PIEZO2: variants seen among roughly 807,000 people sequenced by gnomAD.
PIEZO2 encodes piezo type mechanosensitive ion channel component 2.
A neutral mutation model predicts 337.3 loss-of-function variants in PIEZO2; 172 were observed. The observed-to-expected ratio is 0.51, with a 90% CI of 0.45 to 0.58. PIEZO2 has a LOEUF of 0.58. Among genes scored for constraint, PIEZO2 ranks in the 20% least tolerant of loss-of-function variants. PIEZO2 has a pLI of 0.00. For missense variants in PIEZO2, 3,028 were observed against 3,391.3 expected (o/e 0.89, Z 2.66); for synonymous variants, 1,251 against 1,228.5 (o/e 1.02, Z -0.38).
intron 14 of PIEZO2, 99 bp downstream of exon 14, chr18:10,791,102 G>T: frequency 1.6e-6 from 2 of 1,264,598 alleles, no homozygotes; most frequent in South Asian, 3.2e-5. Context: ...TTACATTCCA[G>T]TTTCATTTAT....
chr18:11,124,957 G>A (rs984595422), intron 1 of PIEZO2, among the ~76,000 whole-genome samples: 4 of 152,106 alleles, frequency 2.6e-5, no homozygotes, highest in African/African-American at 7.2e-5. Flanking sequence ...GTACCTGAAT[G>A]TATACTAGAC....
At chr18:10,906,078 C>G (rs2029896382) in intron 4 of PIEZO2, among the ~76,000 whole-genome samples, 1 of 152,138 alleles carries the variant, frequency 6.6e-6, no homozygotes. Flanking sequence ...CTATGGAAGG[C>G]TGCGGTCACC....
intron 53 of PIEZO2, 61 bp from the exon 54 acceptor site, chr18:10,675,349 A>C: frequency 1.8e-6 from 2 of 1,113,426 alleles, no homozygotes; most frequent in Non-Finnish European, 1.3e-6. Context: ...CCTAAAATTG[A>C]TTTTTTGTTG....
chr18:10,886,090 AAC>A (rs373741484), intron 4 of PIEZO2, among the ~76,000 whole-genome samples: 3 of 150,644 alleles, frequency 2.0e-5, no homozygotes, highest in Non-Finnish European at 3.0e-5. Context: ...CAAAATCACT[AAC>A]ACACACACAC....
intron 2 of PIEZO2, among the ~76,000 whole-genome samples, chr18:11,008,741 C>T (rs990325993): frequency 1.3e-5 from 2 of 152,120 alleles, no homozygotes; most frequent in African/African-American, 4.8e-5. Context: ...ATGTCAGGTG[C>T]TATGGTGACA....
chr18:10,844,487 TA>T lies in PIEZO2; in HGVS notation c.917+10865del, dbSNP rs1160092366. On this transcript the variant is annotated intron_variant, in intron 7 of 55. Coordinates refer to ENST00000674853, the MANE Select transcript of PIEZO2 (RefSeq NM_001378183.1). Reference sequence around the variant, plus strand: ...TTCTGCATTGTTTAAAATATGAACATAAAAATAACAGTACCTACTGGCCGGG... The same window carrying T: ...TTCTGCATTGTTTAAAATATGAACATAAAATAACAGTACCTACTGGCCGGG... Among the ~76,000 whole-genome samples, 7 of 149,536 alleles carry T rather than the reference TA, an allele frequency of 4.7e-5. No individual in the cohort carries two copies. The East Asian group carries it at 1.4e-3, about 29-fold the overall frequency.
At chr18:11,095,129 A>G (rs1377995299) in intron 1 of PIEZO2, among the ~76,000 whole-genome samples, 1 of 152,244 alleles carries the variant, frequency 6.6e-6, no homozygotes, top group Non-Finnish European at 1.5e-5. Context: ...CAAGTTTGCT[A>G]CATGGAATGA....
intron 2 of PIEZO2, among the ~76,000 whole-genome samples, chr18:11,000,354 C>T (rs1483972137): frequency 2.0e-5 from 3 of 152,118 alleles, no homozygotes; most frequent in Non-Finnish European, 4.4e-5. Flanking sequence ...TTCCTTTTCC[C>T]TCCCATTTGG....
intron 3 of PIEZO2, among the ~76,000 whole-genome samples, chr18:10,949,527 G>T (rs759046943): frequency 6.6e-6 from 1 of 152,212 alleles, no homozygotes; most frequent in Non-Finnish European, 1.5e-5. Flanking sequence ...TGAGGTCAGG[G>T]TAAAAGTCAG....
rs2033780049 is a variant in PIEZO2 at position 10,671,628 on chromosome 18, T to C, written c.8497A>G (p.Thr2833Ala). Reference sequence around the variant, plus strand: ...TCTTCTTCTAGCTCCAGTTCTCCTGTCTCTCGAACTAAAAAAATATCTGTG... The same window carrying C: ...TCTTCTTCTAGCTCCAGTTCTCCTGCCTCTCGAACTAAAAAAATATCTGTG... ...LCTDIFLVRETGELELEEDLY... is the reference protein window; with the variant it reads ...LCTDIFLVREAGELELEEDLY... Residue 2833 changes from threonine to alanine, a missense_variant, in exon 56 of 56, where the codon ACA (threonine) becomes GCA (alanine). By Grantham distance (58) the Thr-to-Ala change is moderately conservative. Transcript: ENST00000674853. 6.2e-7 allele frequency: 1 copy of C among 1,614,054 alleles called. No homozygotes were observed. The highest frequency in any genetic ancestry group is 8.5e-7 in the Non-Finnish European group (1 of 1,179,992).
intron 5 of PIEZO2, among the ~76,000 whole-genome samples, chr18:10,868,341 A>G (rs564546514): frequency 1.2e-4 from 18 of 152,218 alleles, no homozygotes; most frequent in Non-Finnish European, 2.4e-4. Context: ...TGTGGTGTCA[A>G]AAATAAAATA....
chr18:11,084,970 C>T (rs73945727), intron 1 of PIEZO2, among the ~76,000 whole-genome samples: 20 of 152,236 alleles, frequency 1.3e-4, no homozygotes, highest in Non-Finnish European at 2.6e-4. Flanking sequence ...ATCTGCTTCA[C>T]CTCCTTCACC....
intron 1 of PIEZO2, among the ~76,000 whole-genome samples, chr18:11,090,871 G>A (rs918180223): frequency 1.3e-5 from 2 of 148,406 alleles, no homozygotes; most frequent in Non-Finnish European, 3.0e-5. Flanking sequence ...CCGAGATCGC[G>A]CCACTGCACT....
intron 10 of PIEZO2, 29 bp from the exon 11 acceptor site, chr18:10,800,504 T>G (rs1461865534): frequency 1.3e-6 from 2 of 1,509,380 alleles, no homozygotes; most frequent in Middle Eastern, 1.8e-4. Context: ...AAGGGACAAC[T>G]GTTACAGCAG....
In PIEZO2 at chr18:10,857,036, C is replaced by T. The variant is rs186999439; in HGVS notation, c.668G>A (p.Gly223Glu). 244 of 1,537,294 alleles carry T rather than the reference C, an allele frequency of 1.6e-4. 1 individual carries two copies. The East Asian group carries it at 4.3e-3, about 27-fold the overall frequency. The change falls in exon 6 of 56, where the codon GGG becomes GAG. Residue 223 changes from glycine (G) to glutamate (E), a missense_variant. Gly to Glu is a moderately conservative substitution (Grantham distance 98). Around this residue, in one of 5 missense-constraint regions of PIEZO2, gnomAD observed 542 missense variants for 605.6 expected, o/e 0.89. Coordinates refer to ENST00000674853, the MANE Select transcript of PIEZO2 (RefSeq NM_001378183.1). ...EFIGNMITTA[G>E]KVVVTILLGS... ...CAGTAAGATGGTAACAACGACTTTCCCAGCAGTGGTGATCATGTTGCCAAT... is the reference window on the plus strand; with the variant it reads ...CAGTAAGATGGTAACAACGACTTTCTCAGCAGTGGTGATCATGTTGCCAAT...
chr18:10,757,864 T>C (rs1238060912), intron 27 of PIEZO2, 105 bp downstream of exon 27: 1 of 1,201,326 alleles, frequency 8.3e-7, no homozygotes, highest in Admixed American at 2.6e-5. Context: ...GTGTATACAA[T>C]TCAGCAGATC....
intron 3 of PIEZO2, among the ~76,000 whole-genome samples, chr18:10,949,779 C>T (rs2033204036): frequency 1.3e-5 from 2 of 152,222 alleles, no homozygotes; most frequent in African/African-American, 2.4e-5. Context: ...GAGGGAAAAT[C>T]ATTCAGGAGA....
Position 10,980,413 on chromosome 18 carries a change from C to A in PIEZO2, c.161-753G>T, listed in dbSNP as rs763512846. The stretch of plus-strand genomic sequence containing the variant: ...AAAGGATTTATAATAAAGCAAACAT[C>A]CTGTTTATAGTGGAATTTTAGACTT... On this transcript the variant is annotated intron_variant, in intron 2 of 55. Coordinates refer to ENST00000674853, the MANE Select transcript of PIEZO2 (RefSeq NM_001378183.1). This position sits in a 1 kb window ranked among gnomAD's most constrained non-coding sequence, Gnocchi z 4.8. Among the ~76,000 whole-genome samples the A allele has an allele frequency of 1.3e-5, 2 of 152,010 alleles. No individual in the cohort carries two copies. The highest frequency in any genetic ancestry group is 2.9e-5 in the Non-Finnish European group (2 of 67,970).
At chr18:11,054,256 T>C (rs879304137) in intron 2 of PIEZO2, among the ~76,000 whole-genome samples, 3 of 152,022 alleles carry the variant, frequency 2.0e-5, no homozygotes, top group Admixed American at 6.5e-5. Flanking sequence ...TTTTTAAGAG[T>C]CTTGATTTCT....
Sources: gnomAD v4.1 joint callset for allele counts (sites outside exome capture counted in the v4.1 genomes callset) on GRCh38, gnomAD v4.1.1 for gene constraint, gnomAD v4.1.1 regional missense constraint, Gnocchi (gnomAD v3.1) non-coding constraint, MANE v1.5 for transcripts, NCBI Gene and HGNC (gene_info 2026-07-23, HGNC 2026-07-21) for gene names.